FAM227A: variants seen among roughly 807,000 people sequenced by gnomAD.
FAM227A encodes the protein family with sequence similarity 227 member A.
In FAM227A, 80 loss-of-function variants were observed where a neutral mutation model predicts 74.7. That is an observed-to-expected ratio of 1.07 (90% CI 0.89 to 1.29). FAM227A has a LOEUF of 1.29. Among genes scored for constraint, FAM227A ranks in the 50% most tolerant of loss-of-function variants. The pLI, the probability that FAM227A is intolerant of heterozygous loss-of-function variation, is 0.00. For missense variants in FAM227A, 654 were observed against 683.4 expected (o/e 0.96, Z 0.48); for synonymous variants, 237 against 241.8 (o/e 0.98, Z 0.19).
intron 11 of FAM227A, among the ~76,000 whole-genome samples, chr22:38,617,292 CTTTT>C (rs35990617): frequency 1.7e-5 from 2 of 116,146 alleles, no homozygotes; most frequent in Non-Finnish European, 1.8e-5. Context: ...TGAGAACAGA[CTTTT>C]TTTTTTTTTT....
rs1432311506 is a variant in FAM227A, at chr22:38,586,061, C to G, written c.*64G>C. The G allele has an allele frequency of 3.9e-6, 6 of 1,551,272 alleles. No individual in the cohort carries two copies. The South Asian group carries it at 6.0e-5, about 15-fold the overall frequency. ...AATTTTCTTATTTTCTTGTTCCACT[C>G]CACCTCGTAGCAGAAATATCACGGA... On this transcript the variant is annotated 3_prime_UTR_variant, in exon 17 of 17. Transcript: ENST00000535113.
chr22:38,641,084 G>A (rs1275427193), intron 3 of FAM227A, among the ~76,000 whole-genome samples: 2 of 151,926 alleles, frequency 1.3e-5, no homozygotes, highest in Non-Finnish European at 2.9e-5. Context: ...AGCAGACACT[G>A]TATGGCCTGG....
intron 9 of FAM227A, among the ~76,000 whole-genome samples, chr22:38,624,386 T>C (rs1441283878): frequency 6.8e-6 from 1 of 147,994 alleles, no homozygotes; most frequent in Non-Finnish European, 1.5e-5. Context: ...CAAAACTCCA[T>C]CTCAAAAAAA....
intron 6 of FAM227A, among the ~76,000 whole-genome samples, chr22:38,631,312 C>T (rs1217199501): frequency 1.3e-5 from 2 of 152,032 alleles, no homozygotes; most frequent in Non-Finnish European, 2.9e-5. Flanking sequence ...TGCATGTTCT[C>T]ACTTATAAGT....
At chr22:38,592,320 G>T (rs1461587644) in intron 15 of FAM227A, among the ~76,000 whole-genome samples, 1 of 151,962 alleles carries the variant, frequency 6.6e-6, no homozygotes, top group African/African-American at 2.4e-5. Flanking sequence ...ACTTCCTCTT[G>T]ACAAAAAAAT....
intron 13 of FAM227A, among the ~76,000 whole-genome samples, chr22:38,604,408 G>A (rs1246282206): frequency 6.6e-6 from 1 of 152,156 alleles, no homozygotes; most frequent in Admixed American, 6.5e-5. Context: ...CTTGCTAGCT[G>A]GTGCCTGGGG....
At chr22:38,641,140 T>C (rs1035459467) in intron 3 of FAM227A, among the ~76,000 whole-genome samples, 1 of 151,822 alleles carries the variant, frequency 6.6e-6, no homozygotes, top group Non-Finnish European at 1.5e-5. Context: ...GAAAGGATAG[T>C]TGAATGCTGA....
chr22:38,601,068 A>G (rs2091166738), intron 13 of FAM227A, among the ~76,000 whole-genome samples: 1 of 152,238 alleles, frequency 6.6e-6, no homozygotes, highest in South Asian at 2.1e-4. Flanking sequence ...TACTATGTAT[A>G]AATACTATTT....
intron 14 of FAM227A, among the ~76,000 whole-genome samples, chr22:38,598,874 T>A (rs986354889): frequency 6.6e-6 from 1 of 152,050 alleles, no homozygotes; most frequent in Admixed American, 6.6e-5. Context: ...CCAGTTTGAT[T>A]CCAAATAGAA....
rs952832736 is a variant in FAM227A at position 38,582,206 on chromosome 22, C to T, written c.*3919G>A. On this transcript the variant is annotated 3_prime_UTR_variant, in exon 17 of 17. Coordinates refer to ENST00000535113, the MANE Select transcript of FAM227A (RefSeq NM_001013647.2). ...AAGTTTATTTGGGCCTCTTTGTAAC[C>T]CCTTCCAGCTTCCCTCCTATCCCCT... 1.2e-6 allele frequency: 1 copy of T among 802,698 alleles called. No homozygotes were observed. Among genetic ancestry groups the T allele is most frequent in the East Asian group, 2.7e-5 (1 of 37,422 alleles). The allele number at this position is 802,698 out of a possible 1,614,324, so 49.7% of individuals were successfully genotyped here.
intron 11 of FAM227A, among the ~76,000 whole-genome samples, chr22:38,613,012 A>G (rs5750643): frequency 0.35 from 45,662 of 130,812 alleles, 8,381 homozygotes; most frequent in East Asian, 0.47. Flanking sequence ...TTTTTTTGGC[A>G]CTACAAAAAT....
At position 38,582,930 on chromosome 22, in the gene FAM227A, C is replaced by T. The variant is rs2090730955; in HGVS notation, c.*3195G>A. On this transcript the variant is annotated 3_prime_UTR_variant, in exon 17 of 17. Coordinates refer to ENST00000535113, the MANE Select transcript of FAM227A (RefSeq NM_001013647.2). ...TCTAAGCGGGGTCCTGGAGGAAGAG[C>T]AGGAATTAGTGATGTTGGCAGTTAA... The T allele has an allele frequency of 6.5e-7, 1 of 1,550,230 alleles. No homozygotes were observed. The highest frequency in any genetic ancestry group is 1.2e-5 in the South Asian group (1 of 84,054).
In FAM227A at chr22:38,644,962, G is replaced by A. The variant is rs560293898; in HGVS notation, c.225+601C>T. On this transcript the variant is annotated intron_variant, in intron 3 of 16. Transcript: ENST00000535113. ...AAATTAGCCGGGTATGGTGGCACAC[G>A]GCTGTAGTCCCAGCTACTCGGGAGG... is the stretch of plus-strand genomic sequence containing the variant. 6.9e-4 allele frequency among the ~76,000 whole-genome samples: 105 copies of A among 151,926 alleles called. 1 individual carries two copies. Among genetic ancestry groups the A allele is most frequent in the Middle Eastern group, 6.8e-3 (2 of 292 alleles).
chr22:38,648,965 C>T (rs887438847), intron 2 of FAM227A, among the ~76,000 whole-genome samples: 15 of 142,320 alleles, frequency 1.1e-4, no homozygotes, highest in Non-Finnish European at 2.0e-4. Flanking sequence ...GAGTGAGACT[C>T]TGTCTCAAAA....
At chr22:38,643,974 C>T (rs1321943345) in intron 3 of FAM227A, among the ~76,000 whole-genome samples, 6 of 151,568 alleles carry the variant, frequency 4.0e-5, no homozygotes, top group African/African-American at 1.2e-4. Context: ...GGTGAAACCC[C>T]GTCTCTACTA....
chr22:38,613,149 T>G (rs1265939850), intron 11 of FAM227A, among the ~76,000 whole-genome samples: 1 of 89,730 alleles, frequency 1.1e-5, no homozygotes, highest in Non-Finnish European at 2.0e-5. Flanking sequence ...ATATATATTA[T>G]ATATTATATA....
chr22:38,605,012 G>A (rs926402740), intron 13 of FAM227A, among the ~76,000 whole-genome samples: 14 of 151,946 alleles, frequency 9.2e-5, no homozygotes, highest in Non-Finnish European at 1.8e-4. Context: ...TTTGCTTTAT[G>A]ATATTTGACA....
chr22:38,599,014 T>C (rs2091112892), intron 14 of FAM227A, among the ~76,000 whole-genome samples: 1 of 150,664 alleles, frequency 6.6e-6, no homozygotes, highest in Non-Finnish European at 1.5e-5. Flanking sequence ...TGCAGTGCAA[T>C]GGCGTGATCT....
chr22:38,619,192 G>A (rs2091636361), intron 11 of FAM227A, among the ~76,000 whole-genome samples: 1 of 152,178 alleles, frequency 6.6e-6, no homozygotes, highest in African/African-American at 2.4e-5. Context: ...ACCCCTGAGA[G>A]CCCAGGAGGT....
Sources: allele counts gnomAD v4.1 joint callset (sites outside exome capture counted in the v4.1 genomes callset), GRCh38; gene constraint gnomAD v4.1.1; transcripts MANE v1.5; gene names NCBI Gene and HGNC (gene_info 2026-07-23, HGNC 2026-07-21).